Variants in EFL1 observed in about 807,000 individuals in gnomAD.
The protein encoded by EFL1 is elongation factor like GTPase 1, also known as elongation factor-like GTPase 1.
Under a neutral mutation model 126.7 loss-of-function variants are expected in EFL1, and 76 were observed. The ratio of observed to expected loss-of-function variants is 0.60; its 90% CI spans 0.50 to 0.73. The LOEUF is 0.73. Ranked by LOEUF, EFL1 falls within the 30% of genes least tolerant of loss-of-function variation. The pLI is 0.00. For missense variants in EFL1, 1,128 were observed against 1,343.2 expected, an observed-to-expected ratio of 0.84 and a Z score of 2.50; for synonymous variants, 410 against 448.4, an observed-to-expected ratio of 0.91 and a Z score of 1.08.
intron 16 of EFL1, among the ~76,000 whole-genome samples, chr15:82,161,229 A>G (rs12898322): frequency 0.039 from 5,937 of 152,308 alleles, 170 homozygotes; most frequent in Middle Eastern, 0.095. Context: ...TATTCAAGAA[A>G]AACAATGAAT....
At position 82,152,318 on chromosome 15, in the gene EFL1, C is replaced by T; in HGVS notation, c.2136G>A (p.Gln712=). 2 of 1,613,976 alleles carry T rather than the reference C, an allele frequency of 1.2e-6. No individual in the cohort carries two copies. Among genetic ancestry groups the T allele is most frequent in the East Asian group, 2.2e-5 (1 of 44,876 alleles). ...TTTGGTGTATGACTGCAACTTTTTG[C>T]TGTTTGCCTATTTCTTCATTGACCA... The part of the protein sequence containing the change: ...VDMVNEEIGK[Q]QKVAVIHQMK... Residue 712 remains glutamine (Q), a synonymous_variant, in exon 18 of 20, where the codon CAG becomes CAA. Transcript: ENST00000268206.
chr15:82,222,024 A>G (rs1567069254), intron 12 of EFL1, among the ~76,000 whole-genome samples: 1 of 152,234 alleles, frequency 6.6e-6, no homozygotes, highest in Non-Finnish European at 1.5e-5. Context: ...CTAAAAACTC[A>G]TAAGAATATC....
At chr15:82,145,739 C>A (rs2073838035) in intron 18 of EFL1, among the ~76,000 whole-genome samples, 1 of 151,004 alleles carries the variant, frequency 6.6e-6, no homozygotes, top group Non-Finnish European at 1.5e-5. Context: ...GAGGCTGAGC[C>A]AGGAGAATTG....
At chr15:82,177,986 C>T (rs2074212051) in intron 15 of EFL1, among the ~76,000 whole-genome samples, 1 of 152,066 alleles carries the variant, frequency 6.6e-6, no homozygotes, top group Non-Finnish European at 1.5e-5. Flanking sequence ...GAATAAAGAC[C>T]CCAAAAATAC....
chr15:82,194,167 C>T (rs71231561), intron 15 of EFL1, among the ~76,000 whole-genome samples: 3 of 152,174 alleles, frequency 2.0e-5, no homozygotes, highest in Non-Finnish European at 2.9e-5. Flanking sequence ...ATTGGGCGGA[C>T]TGGATCTTCA....
At chr15:82,186,404 A>T (rs2074304223) in intron 15 of EFL1, among the ~76,000 whole-genome samples, 1 of 152,208 alleles carries the variant, frequency 6.6e-6, no homozygotes, top group Non-Finnish European at 1.5e-5. Context: ...AGCCCAACCT[A>T]AAAAGCACAT....
At position 82,179,820 on chromosome 15, in the gene EFL1, G is replaced by A. The variant is rs544658843; in HGVS notation, c.1751-15836C>T. On this transcript the variant is annotated intron_variant, in intron 15 of 19. Transcript: ENST00000268206. ...TATATGGCTGGGTATGCACAGAAACGGGGCGGGGGGCGGGGACATCAAGGT... is the reference window on the plus strand; with the variant it reads ...TATATGGCTGGGTATGCACAGAAACAGGGCGGGGGGCGGGGACATCAAGGT... Among the ~76,000 whole-genome samples the A allele has an allele frequency of 1.1e-4, 12 of 107,968 alleles. No homozygotes were observed. The South Asian group carries it at 1.6e-3, about 14-fold the overall frequency. 70.8% of individuals were successfully genotyped at this position (107,968 alleles called of 152,430 possible). A position where few individuals can be genotyped will look rare whatever the true frequency, so the allele number is the denominator to read the frequency against.
At chr15:82,233,080 C>A (rs2074838800) in intron 7 of EFL1, among the ~76,000 whole-genome samples, 2 of 152,046 alleles carry the variant, frequency 1.3e-5, no homozygotes, top group Admixed American at 1.3e-4. Context: ...AAGACATTTG[C>A]CCATTTGCTT....
At position 82,181,987 on chromosome 15, in the gene EFL1, C is replaced by T. The variant is rs182403415; in HGVS notation, c.1751-18003G>A. ...TCAAAAAATCAGCTGTGGCTGGGCACGGTGGCTCACGCCTGTAATCCCAGC... is the reference window on the plus strand; with the variant it reads ...TCAAAAAATCAGCTGTGGCTGGGCATGGTGGCTCACGCCTGTAATCCCAGC... On this transcript the variant is annotated intron_variant, in intron 15 of 19. Coordinates refer to ENST00000268206, the MANE Select transcript of EFL1 (RefSeq NM_024580.6). Among the ~76,000 whole-genome samples, 55 of 152,282 alleles carry T rather than the reference C, an allele frequency of 3.6e-4. 1 individual carries two copies. In the East Asian group the frequency reaches 8.9e-3, roughly 25 times the overall value.
chr15:82,161,687 T>C (rs577416481), intron 16 of EFL1, among the ~76,000 whole-genome samples: 45 of 152,344 alleles, frequency 3.0e-4, no homozygotes, highest in African/African-American at 1.1e-3. Flanking sequence ...AAAGTTCAGA[T>C]AAATTTAATG....
chr15:82,210,784 C>A (rs1226791079), intron 15 of EFL1, among the ~76,000 whole-genome samples: 1 of 151,076 alleles, frequency 6.6e-6, no homozygotes, highest in Non-Finnish European at 1.5e-5. Context: ...ATCGTTTGAA[C>A]CCAGGAGACA....
chr15:82,192,355 G>A (rs1438625409), intron 15 of EFL1, among the ~76,000 whole-genome samples: 1 of 147,118 alleles, frequency 6.8e-6, no homozygotes, highest in African/African-American at 2.6e-5. Context: ...AGCCGAGATC[G>A]CCCCACTTGC....
At chr15:82,173,916 G>A (rs113269614) in intron 15 of EFL1, among the ~76,000 whole-genome samples, 1,936 of 152,104 alleles carry the variant, frequency 0.013, 37 homozygotes, top group African/African-American at 0.045. Context: ...TGGGCCAGGC[G>A]CGGTGGCTCA....
At chr15:82,201,344 T>TG (rs1173632425) in intron 15 of EFL1, among the ~76,000 whole-genome samples, 1 of 152,192 alleles carries the variant, frequency 6.6e-6, no homozygotes, top group Non-Finnish European at 1.5e-5. Flanking sequence ...AAAAGCTCTG[T>TG]GCTCATCTAC....
intron 7 of EFL1, among the ~76,000 whole-genome samples, chr15:82,232,708 G>C (rs747497238): frequency 7.9e-5 from 12 of 151,868 alleles, no homozygotes; most frequent in Admixed American, 1.3e-4. Flanking sequence ...CTAAAGCTTT[G>C]GTATTTAGCC....
At chr15:82,186,784 TTCCTG>T (rs1314535030) in intron 15 of EFL1, among the ~76,000 whole-genome samples, 1 of 152,188 alleles carries the variant, frequency 6.6e-6, no homozygotes, top group Non-Finnish European at 1.5e-5. Flanking sequence ...GTTGGTCTTG[TTCCTG>T]TATCTGTTTC....
At position 82,201,459 on chromosome 15, in the gene EFL1, T is replaced by C. The variant is rs571856092; in HGVS notation, c.1750+13258A>G. On this transcript the variant is annotated intron_variant, in intron 15 of 19. Coordinates refer to ENST00000268206, the MANE Select transcript of EFL1 (RefSeq NM_024580.6). ...GTGTTTTTTAAAAGACCATAATATA[T>C]TGTGTTCCAGGGAAGAATCTACGTG... Among the ~76,000 whole-genome samples, 15 of 152,288 alleles carry C rather than the reference T, an allele frequency of 9.8e-5. 1 individual carries two copies. The East Asian group carries it at 1.2e-3, about 12-fold the overall frequency.
At position 82,241,421 on chromosome 15, in the gene EFL1, A is replaced by T; in HGVS notation, c.245-18T>A. 1 of 1,609,216 alleles carries T rather than the reference A, an allele frequency of 6.2e-7. No individual in the cohort carries two copies. The highest frequency in any genetic ancestry group is 8.5e-7 in the Non-Finnish European group (1 of 1,177,086). Reference sequence around the variant, plus strand: ...CTCATTACCTAAAATACAATTTGTAAACACACATTTTCAGTTGTCCAGGTA... The same window carrying T: ...CTCATTACCTAAAATACAATTTGTATACACACATTTTCAGTTGTCCAGGTA... On this transcript the variant is annotated intron_variant, in intron 4 of 19. Coordinates refer to ENST00000268206, the MANE Select transcript of EFL1 (RefSeq NM_024580.6).
chr15:82,147,830 T>A (rs2073865028), intron 18 of EFL1, among the ~76,000 whole-genome samples: 1 of 151,958 alleles, frequency 6.6e-6, no homozygotes, highest in Non-Finnish European at 1.5e-5. Flanking sequence ...CAACCCCTAT[T>A]TTAAGAGGAC....
Sources: allele counts gnomAD v4.1 joint callset (sites outside exome capture counted in the v4.1 genomes callset), GRCh38; gene constraint gnomAD v4.1.1; transcripts MANE v1.5; gene names NCBI Gene and HGNC (gene_info 2026-07-23, HGNC 2026-07-21).